Variants in PCF11 observed in about 807,000 individuals in gnomAD.
The protein encoded by PCF11 is pre-mRNA cleavage complex 2 protein Pcf11.
In PCF11, 19 loss-of-function variants were observed where a neutral mutation model predicts 166.1. That is an observed-to-expected ratio of 0.11 (90% confidence interval 0.08 to 0.17). The LOEUF (loss-of-function observed/expected upper bound fraction) is 0.17, where lower values mean the gene tolerates loss of function less well. Ranked by LOEUF, PCF11 falls within the 10% of genes least tolerant of loss-of-function variation. The probability of loss-of-function intolerance (pLI) is 1.00; values close to 1 mark genes in which losing one functional copy is unlikely to be tolerated. For synonymous variants in PCF11, 663 were observed against 644.1 expected, an observed-to-expected ratio of 1.03 and a Z score of -0.44; for missense variants, 1,565 against 1,855.5, an observed-to-expected ratio of 0.84 and a Z score of 2.88.
exon 4 of PCF11, chr11:83,164,295 C>A: frequency 6.2e-7 from 1 of 1,613,356 alleles, no homozygotes; most frequent in Non-Finnish European, 8.5e-7. Context: ...AAGAATCTTA[C>A]ACAAGAACAA....
chr11:83,184,412 C>T, intron 15 of PCF11: 1 of 360,020 alleles, frequency 2.8e-6, no homozygotes, highest in South Asian at 3.1e-5. Context: ...AATGTAGAAG[C>T]ATGTCTAATC....
intron 12 of PCF11, 70 bp downstream of exon 12, chr11:83,181,261 TTAA>T: frequency 2.0e-6 from 1 of 487,834 alleles, no homozygotes; most frequent in Non-Finnish European, 3.2e-6. Context: ...TATATTAATT[TTAA>T]TAATTATTAA....
At chr11:83,171,993 G>A in intron 9 of PCF11, 79 bp downstream of exon 9, 1 of 750,858 alleles carries the variant, frequency 1.3e-6, no homozygotes, top group Non-Finnish European at 2.4e-6. Context: ...TGAATTTTAG[G>A]AAATGACAGT....
chr11:83,157,559 G>C, exon 1 of PCF11: 1 of 1,614,030 alleles, frequency 6.2e-7, no homozygotes, highest in South Asian at 1.1e-5. Flanking sequence ...TCAATATGCT[G>C]ACCATTCTAG....
At chr11:83,179,929 C>T (rs1415576152) in intron 11 of PCF11, among the ~76,000 whole-genome samples, 5 of 151,710 alleles carry the variant, frequency 3.3e-5, no homozygotes, top group Admixed American at 6.6e-5. Context: ...CCAAAAAAAA[C>T]GGGCGGGGGG....
intron 2 of PCF11, among the ~76,000 whole-genome samples, chr11:83,162,022 T>C (rs1860276408): frequency 6.6e-6 from 1 of 152,244 alleles, no homozygotes; most frequent in Non-Finnish European, 1.5e-5. Context: ...GGAAATACTT[T>C]TGCCCCTACC....
At chr11:83,160,889 A>G (rs1223595936) in intron 1 of PCF11, among the ~76,000 whole-genome samples, 1 of 152,226 alleles carries the variant, frequency 6.6e-6, no homozygotes, top group Non-Finnish European at 1.5e-5. Context: ...TTGAACATAT[A>G]AAATATGCCC....
At chr11:83,171,502 C>G (rs771828550) in intron 8 of PCF11, among the ~76,000 whole-genome samples, 1 of 152,112 alleles carries the variant, frequency 6.6e-6, no homozygotes, top group Non-Finnish European at 1.5e-5. Context: ...AGCTAGTTAC[C>G]TTATATTTGC....
chr11:83,178,578 G>A (rs982637723), intron 11 of PCF11, among the ~76,000 whole-genome samples: 47 of 151,718 alleles, frequency 3.1e-4, no homozygotes, highest in African/African-American at 1.1e-3. Flanking sequence ...GGTGGATCAC[G>A]AGGTCAGGAG....
intron 2 of PCF11, among the ~76,000 whole-genome samples, chr11:83,162,583 G>A (rs1396177309): frequency 6.6e-6 from 1 of 152,146 alleles, no homozygotes; most frequent in Non-Finnish European, 1.5e-5. Flanking sequence ...ATTCACTTGG[G>A]TGTTTGGTAG....
In PCF11 at chr11:83,161,263, CATTTTT is replaced by C. The variant is rs962385654; in HGVS notation, c.193-62_193-57del. On this transcript the variant is annotated intron_variant, in intron 1 of 15. Transcript: ENST00000298281. ...GGTCTGTATTGTAGGTTTAAAAACT[CATTTTT>C]AAATAATTATTTGGTGGTAATTCAT... 3.3e-4 allele frequency: 442 copies of C among 1,354,112 alleles called. 1 individual carries two copies. In the African/African-American group the frequency reaches 5.7e-3, roughly 17 times the overall value. The allele number at this position is 1,354,112 out of a possible 1,614,324, so 83.9% of individuals were successfully genotyped here.
In PCF11 at chr11:83,183,081, CTTTTTGG is replaced by C. The variant is rs1861137983; in HGVS notation, c.4452+11_4452+17del. 6.9e-7 allele frequency: 1 copy of C among 1,451,748 alleles called. No individual in the cohort carries two copies. The highest frequency in any genetic ancestry group is 1.7e-4 in the Middle Eastern group (1 of 5,726). 89.9% of individuals were successfully genotyped at this position (1,451,748 alleles called of 1,614,324 possible). The stretch of plus-strand genomic sequence containing the variant: ...TATGAAGATTATCAAAATGTAAGTT[CTTTTTGG>C]TTACTGTATTTGTTCTCATTTGCAT... On this transcript the variant is annotated intron_variant, in intron 15 of 15. Transcript: ENST00000298281.
chr11:83,177,809 G>A, exon 11 of PCF11: 2 of 1,463,380 alleles, frequency 1.4e-6, no homozygotes, highest in Non-Finnish European at 1.9e-6. Context: ...TACAGTTGAA[G>A]AATTGAAACA....
chr11:83,159,654 G>T (rs1415121695), intron 1 of PCF11, among the ~76,000 whole-genome samples: 1 of 152,192 alleles, frequency 6.6e-6, no homozygotes, highest in Non-Finnish European at 1.5e-5. Flanking sequence ...AGGAAAAGAT[G>T]TAAAAGTCAC....
intron 1 of PCF11, chr11:83,157,878 A>G (rs1326918414): frequency 7.3e-6 from 4 of 546,608 alleles, no homozygotes; most frequent in South Asian, 4.4e-5. Context: ...AGGCCACCGC[A>G]TTGTATATCC....
chr11:83,166,567 G>C (rs564253052), exon 5 of PCF11: 1 of 1,613,844 alleles, frequency 6.2e-7, no homozygotes, highest in East Asian at 2.2e-5. Flanking sequence ...GATCCAAGGC[G>C]AATGAAAAAG....
At chr11:83,181,761 A>G (rs780066746) in intron 12 of PCF11, 93 bp from the exon 13 acceptor site, 5 of 767,682 alleles carry the variant, frequency 6.5e-6, no homozygotes, top group African/African-American at 5.4e-5. Context: ...AGAAAATAGT[A>G]TACCCCTACC....
At chr11:83,176,438 A>C (rs986243063) in intron 9 of PCF11, among the ~76,000 whole-genome samples, 2 of 152,222 alleles carry the variant, frequency 1.3e-5, no homozygotes, top group East Asian at 1.9e-4. Context: ...AACCAACCCA[A>C]ATGTCCATCA....
chr11:83,161,275 A>G, intron 1 of PCF11, 52 bp from the exon 2 acceptor site: 1 of 1,459,586 alleles, frequency 6.9e-7, no homozygotes, highest in Non-Finnish European at 9.3e-7. Flanking sequence ...TTTTTAAATA[A>G]TTATTTGGTG....
Sources: gnomAD v4.1 joint callset for allele counts (sites outside exome capture counted in the v4.1 genomes callset) on GRCh38, gnomAD v4.1.1 for gene constraint, MANE v1.5 for transcripts, NCBI Gene and HGNC (gene_info 2026-07-23, HGNC 2026-07-21) for gene names.